Variants in MICAL2 observed in about 807,000 individuals in gnomAD.
MICAL2 encodes the protein microtubule associated monooxygenase, calponin and LIM domain containing 2, also known as [F-actin]-monooxygenase MICAL2.
Under a neutral mutation model 127.3 loss-of-function variants are expected in MICAL2, and 77 were observed. The ratio of observed to expected loss-of-function variants is 0.60; its 90% CI spans 0.50 to 0.73. MICAL2 has a LOEUF of 0.73. Ranked by LOEUF, MICAL2 falls within the 30% of genes least tolerant of loss-of-function variation. The pLI, the probability that MICAL2 is intolerant of heterozygous loss-of-function variation, is 0.00. For synonymous variants in MICAL2, 570 were observed against 551.1 expected, an observed-to-expected ratio of 1.03 and a Z score of -0.48; for missense variants, 1,351 against 1,434.4, an observed-to-expected ratio of 0.94 and a Z score of 0.94.
At chr11:12,226,053 A>C in intron 13 of MICAL2, 118 bp from the exon 14 acceptor site, 1 of 943,528 alleles carries the variant, frequency 1.1e-6, no homozygotes, top group South Asian at 1.5e-5. Context: ...CCTCCCCTGT[A>C]ACCTGCCGAC....
At chr11:12,232,817 T>A (rs1362354630) in intron 15 of MICAL2, among the ~76,000 whole-genome samples, 1 of 152,242 alleles carries the variant, frequency 6.6e-6, no homozygotes, top group Non-Finnish European at 1.5e-5. Context: ...ATCTGCAGTT[T>A]TGCTTTCTAG....
intron 29 of MICAL2, among the ~76,000 whole-genome samples, chr11:12,310,683 A>G (rs893320066): frequency 3.3e-5 from 5 of 151,562 alleles, no homozygotes; most frequent in Admixed American, 2.6e-4. Context: ...TACAAATTTT[A>G]GGATTTTTTT....
At chr11:12,287,407 G>A (rs977774712), downstream of MICAL2, 1 of 336,318 alleles carries the variant, frequency 3.0e-6, no homozygotes, top group Non-Finnish European at 5.3e-6. Flanking sequence ...AGGAATTATG[G>A]AGCCTTAGGA....
intron 21 of MICAL2, among the ~76,000 whole-genome samples, chr11:12,244,450 A>G (rs1461001012): frequency 1.3e-5 from 2 of 152,268 alleles, no homozygotes; most frequent in Non-Finnish European, 2.9e-5. Flanking sequence ...ACATTAGCAT[A>G]GAAATAAGTG....
chr11:12,238,104 A>C (rs1859337435), intron 16 of MICAL2, among the ~76,000 whole-genome samples: 1 of 152,234 alleles, frequency 6.6e-6, no homozygotes, highest in Admixed American at 6.5e-5. Flanking sequence ...CTTTTTAAAA[A>C]AAAATTAACT....
Position 12,204,344 on chromosome 11 carries a change from C to T in MICAL2, c.359C>T (p.Ser120Phe), listed in dbSNP as rs775189358. 2.5e-6 allele frequency: 4 copies of T among 1,613,912 alleles called. No homozygotes were observed. The highest frequency in any genetic ancestry group is 3.4e-6 in the Non-Finnish European group (4 of 1,179,932). The change falls in exon 4 of 28, where the codon TCC becomes TTC. Residue 120 changes from serine to phenylalanine, a missense_variant. Transcript: ENST00000683283. The part of the protein sequence containing the change: ...AKVVVVEKRD[S>F]FSRNNVLHLW... ...GTGGTCGTGGTGGAGAAGAGGGACT[C>T]CTTCTCCCGGAACAACGTGCTACAC...
At chr11:12,265,450 A>G (rs1399662211), downstream of MICAL2, among the ~76,000 whole-genome samples, 1 of 152,218 alleles carries the variant, frequency 6.6e-6, no homozygotes, top group East Asian at 1.9e-4. Flanking sequence ...CTAAGCATAA[A>G]TCCTCTAATA....
upstream of MICAL2, among the ~76,000 whole-genome samples, chr11:12,274,863 T>A (rs1863707851): frequency 6.6e-6 from 1 of 151,928 alleles, no homozygotes; most frequent in Non-Finnish European, 1.5e-5. Context: ...ATGATCTCAC[T>A]CAGGTTTTAA....
intron 1 of MICAL2, chr11:12,276,264 C>G (rs1453680252): frequency 2.5e-6 from 1 of 397,948 alleles, no homozygotes; most frequent in East Asian, 3.6e-5. Context: ...TGCAGTGTGG[C>G]CTCTCTGTGC....
At chr11:12,233,388 G>T (rs974543691) in intron 15 of MICAL2, among the ~76,000 whole-genome samples, 16 of 152,172 alleles carry the variant, frequency 1.1e-4, no homozygotes, top group African/African-American at 3.9e-4. Context: ...CATAGCTGCT[G>T]CCCAAATCAA....
Position 12,211,277 on chromosome 11 carries a change from A to T in MICAL2, c.691+1679A>T, listed in dbSNP as rs181540889. On this transcript the variant is annotated intron_variant, in intron 6 of 27. Transcript: ENST00000683283. ...GTACCTGTAGTCCCAGCTACTCGGGAGGCTGAGGCAGGAGAATTGCTTGAA... is the reference window on the plus strand; with the variant it reads ...GTACCTGTAGTCCCAGCTACTCGGGTGGCTGAGGCAGGAGAATTGCTTGAA... Among the ~76,000 whole-genome samples, 495 of 152,298 alleles carry T rather than the reference A, an allele frequency of 3.3e-3. 3 individuals are homozygous for T. The highest frequency in any genetic ancestry group is 0.012 in the African/African-American group (486 of 41,568).
At chr11:12,196,756 C>T (rs1859987718) in intron 3 of MICAL2, among the ~76,000 whole-genome samples, 1 of 152,190 alleles carries the variant, frequency 6.6e-6, no homozygotes, top group African/African-American at 2.4e-5. Context: ...AGTCCAAACT[C>T]TTCAGTCTGC....
chr11:12,220,588 AAGCCTGTCCCGGCCTCAG>A, intron 9 of MICAL2, 130 bp downstream of exon 9: 2 of 1,323,610 alleles, frequency 1.5e-6, no homozygotes, highest in Non-Finnish European at 2.0e-6. Flanking sequence ...GGACTCTGCC[AAGCCTGTCCCGGCCTCAG>A]AGCCTGTCCT....
intron 3 of MICAL2, among the ~76,000 whole-genome samples, chr11:12,180,350 T>TATATATA (rs1554968182): frequency 1.1e-4 from 11 of 104,144 alleles, no homozygotes; most frequent in South Asian, 4.5e-4. Context: ...TATGTATATA[T>TATATATA]TTTTTTTTTG....
chr11:12,262,390 C>T, intron 26 of MICAL2, 90 bp from the exon 27 acceptor site: 1 of 1,595,272 alleles, frequency 6.3e-7, no homozygotes, highest in Non-Finnish European at 8.5e-7. Context: ...CCGGTGCCTT[C>T]TCGTGATGTT....
At chr11:12,282,684 G>A (rs1223844986) in intron 2 of MICAL2, among the ~76,000 whole-genome samples, 2 of 152,190 alleles carry the variant, frequency 1.3e-5, no homozygotes, top group African/African-American at 2.4e-5. Context: ...CATTGTTTAT[G>A]AGGAAAACAT....
At chr11:12,249,075 A>G in intron 21 of MICAL2, 109 bp from the exon 22 acceptor site, 2 of 1,431,594 alleles carry the variant, frequency 1.4e-6, no homozygotes, top group African/African-American at 1.4e-5. Context: ...GTCCTAACCT[A>G]TGCAAAATGC....
At chr11:12,264,101 GCTA>G, downstream of MICAL2, among the ~76,000 whole-genome samples, 2 of 152,260 alleles carry the variant, frequency 1.3e-5, no homozygotes, top group Admixed American at 1.3e-4. Flanking sequence ...TGTATTGATG[GCTA>G]CCTTTACCCG....
intron 2 of MICAL2, among the ~76,000 whole-genome samples, chr11:12,141,527 C>T (rs1039154269): frequency 6.6e-6 from 1 of 152,174 alleles, no homozygotes; most frequent in East Asian, 1.9e-4. Flanking sequence ...CTGAGTTATG[C>T]CAGAGTGCAG....
Sources: allele counts gnomAD v4.1 joint callset (sites outside exome capture counted in the v4.1 genomes callset), GRCh38; gene constraint gnomAD v4.1.1; transcripts MANE v1.5; gene names NCBI Gene and HGNC (gene_info 2026-07-23, HGNC 2026-07-21).